The following RGS17 variants were observed in gnomAD, a reference collection of about 807,000 sequenced individuals.
RGS17 encodes regulator of G-protein signaling 17.
A neutral mutation model predicts 25.5 loss-of-function variants in RGS17; 12 were observed. The ratio of observed to expected loss-of-function variants is 0.47; its 90% CI spans 0.30 to 0.76. The LOEUF is 0.76. Among genes scored for constraint, RGS17 ranks in the 30% least tolerant of loss-of-function variants. The probability of loss-of-function intolerance (pLI) is 0.07; values close to 1 mark genes in which losing one functional copy is unlikely to be tolerated. For synonymous variants in RGS17, 71 were observed against 76.9 expected (o/e 0.92, Z 0.40); for missense variants, 196 against 242.2 (o/e 0.81, Z 1.27).
intron 1 of RGS17, among the ~76,000 whole-genome samples, chr6:153,078,085 G>A (rs1410721948): frequency 6.6e-6 from 1 of 152,122 alleles, no homozygotes; most frequent in Non-Finnish European, 1.5e-5. Flanking sequence ...TGTGGGCCAG[G>A]CTGGTCTCGA....
intron 1 of RGS17, among the ~76,000 whole-genome samples, chr6:153,054,650 CAAAT>C (rs55901939): frequency 0.16 from 22,395 of 141,636 alleles, 1,852 homozygotes; most frequent in Middle Eastern, 0.23. Flanking sequence ...GACTTCATCT[CAAAT>C]AAATAAATAA....
intron 1 of RGS17, among the ~76,000 whole-genome samples, chr6:153,115,931 A>G (rs1777537548): frequency 1.3e-5 from 2 of 152,234 alleles, no homozygotes; most frequent in South Asian, 2.1e-4. Flanking sequence ...CTAAAGATAG[A>G]TTAAAGACTT....
intron 4 of RGS17, among the ~76,000 whole-genome samples, chr6:153,016,216 G>C (rs1779182557): frequency 6.6e-6 from 1 of 152,158 alleles, no homozygotes; most frequent in Non-Finnish European, 1.5e-5. Context: ...AAAAAGCACA[G>C]AATATTTTTC....
intron 2 of RGS17, among the ~76,000 whole-genome samples, chr6:153,029,571 A>G (rs558571345): frequency 6.8e-6 from 1 of 146,968 alleles, no homozygotes; most frequent in South Asian, 2.1e-4. Flanking sequence ...TCCCATAGAG[A>G]CACTTTTTTT....
chr6:153,122,468 T>C (rs905842480), intron 1 of RGS17, among the ~76,000 whole-genome samples: 5 of 152,138 alleles, frequency 3.3e-5, no homozygotes, highest in African/African-American at 4.8e-5. Context: ...TTTAAAATGT[T>C]TCTTCATCAG....
chr6:153,057,895 T>A (rs1432444627), intron 1 of RGS17, among the ~76,000 whole-genome samples: 1 of 152,148 alleles, frequency 6.6e-6, no homozygotes, highest in African/African-American at 2.4e-5. Context: ...CACTGCTGAT[T>A]TGACGGGAGG....
At chr6:153,091,226 T>C (rs1224158978) in intron 1 of RGS17, among the ~76,000 whole-genome samples, 1 of 152,190 alleles carries the variant, frequency 6.6e-6, no homozygotes, top group Non-Finnish European at 1.5e-5. Flanking sequence ...TCACATGTTG[T>C]TGCTGCCTAG....
At chr6:153,015,708 C>T (rs964412324) in intron 4 of RGS17, among the ~76,000 whole-genome samples, 7 of 151,260 alleles carry the variant, frequency 4.6e-5, no homozygotes, top group Non-Finnish European at 8.8e-5. Flanking sequence ...GGCTGGAGTG[C>T]AGTGGCGCGA....
rs1435157452 is a variant in RGS17 at position 153,005,612 on chromosome 6, T to G, written c.*5962A>C. 1 of 152,196 alleles carries G rather than the reference T, an allele frequency of 6.6e-6. No homozygotes were observed. Among genetic ancestry groups the G allele is most frequent in the Non-Finnish European group, 1.5e-5 (1 of 68,050 alleles). 9.4% of individuals were successfully genotyped at this position (152,196 alleles called of 1,614,324 possible). On this transcript the variant is annotated 3_prime_UTR_variant, in exon 5 of 5. Coordinates refer to ENST00000206262, the MANE Select transcript of RGS17 (RefSeq NM_012419.5). ...TACCTTTGATACCATGTGATGAGCATGGCACTTTACCGTTGTGTTCTTTCA... is the reference window on the plus strand; with the variant it reads ...TACCTTTGATACCATGTGATGAGCAGGGCACTTTACCGTTGTGTTCTTTCA...
intron 1 of RGS17, among the ~76,000 whole-genome samples, chr6:153,070,484 C>A (rs1349738920): frequency 6.6e-6 from 1 of 151,636 alleles, no homozygotes; most frequent in East Asian, 2.0e-4. Flanking sequence ...GGTTCCACAT[C>A]TGTGATTAAA....
At chr6:153,017,805 A>C (rs973796627) in intron 4 of RGS17, among the ~76,000 whole-genome samples, 2 of 152,196 alleles carry the variant, frequency 1.3e-5, no homozygotes, top group African/African-American at 4.8e-5. Flanking sequence ...ATTCCTTTCC[A>C]AGTAAAATTC....
intron 1 of RGS17, among the ~76,000 whole-genome samples, chr6:153,082,183 TAA>T (rs1354788967): frequency 6.6e-6 from 1 of 152,226 alleles, no homozygotes; most frequent in Admixed American, 6.5e-5. Flanking sequence ...TGGCTTTTAC[TAA>T]TAGTGTATAT....
At chr6:153,067,094 A>G (rs1776721037) in intron 1 of RGS17, among the ~76,000 whole-genome samples, 1 of 152,084 alleles carries the variant, frequency 6.6e-6, no homozygotes, top group Non-Finnish European at 1.5e-5. Context: ...AAATCATCTG[A>G]TATTATAAAA....
At chr6:153,087,785 T>C (rs654845) in intron 1 of RGS17, among the ~76,000 whole-genome samples, 85,478 of 151,958 alleles carry the variant, frequency 0.56, 24,234 homozygotes, top group South Asian at 0.63. Flanking sequence ...CAAGAAGCCT[T>C]CTCCATCCCT....
chr6:153,105,059 G>C (rs1195399523), intron 1 of RGS17, among the ~76,000 whole-genome samples: 1 of 152,174 alleles, frequency 6.6e-6, no homozygotes, highest in East Asian at 1.9e-4. Flanking sequence ...CAGTACCAAA[G>C]GCATGGGGGT....
At chr6:153,124,972 A>T (rs1777684489) in intron 1 of RGS17, among the ~76,000 whole-genome samples, 2 of 152,210 alleles carry the variant, frequency 1.3e-5, no homozygotes, top group South Asian at 4.1e-4. Context: ...CACCTTTCAT[A>T]GAGACTGGAA....
At chr6:153,020,706 A>C (rs12209209) in intron 4 of RGS17, among the ~76,000 whole-genome samples, 1 of 152,148 alleles carries the variant, frequency 6.6e-6, no homozygotes, top group African/African-American at 2.4e-5. Flanking sequence ...CAGTAAAATC[A>C]TGACAATTTT....
Position 153,130,856 on chromosome 6 carries a change from G to A in RGS17, c.-26+268C>T, listed in dbSNP as rs1459134667. On this transcript the variant is annotated intron_variant, in intron 1 of 4. Coordinates refer to ENST00000206262, the MANE Select transcript of RGS17 (RefSeq NM_012419.5). This position sits in a 1 kb window ranked among gnomAD's most constrained non-coding sequence, Gnocchi z 6.4. Reference sequence around the variant, plus strand: ...TCGCCCGGTTCCCTGCAGCAGCTGAGGGCGGCGAGCGGACCGCGTCCAGGC... The same window carrying A: ...TCGCCCGGTTCCCTGCAGCAGCTGAAGGCGGCGAGCGGACCGCGTCCAGGC... Among the ~76,000 whole-genome samples, 1 of 152,004 alleles carries A rather than the reference G, an allele frequency of 6.6e-6. No homozygotes were observed. The highest frequency in any genetic ancestry group is 2.4e-5 in the African/African-American group (1 of 41,426).
intron 2 of RGS17, among the ~76,000 whole-genome samples, chr6:153,033,497 C>T (rs1252675417): frequency 1.3e-5 from 2 of 152,102 alleles, no homozygotes; most frequent in Non-Finnish European, 2.9e-5. Context: ...GTGGGCAGAT[C>T]GCCTGAGCTC....
Sources: gnomAD v4.1 joint callset for allele counts (sites outside exome capture counted in the v4.1 genomes callset) on GRCh38, gnomAD v4.1.1 for gene constraint, Gnocchi (gnomAD v3.1) non-coding constraint, MANE v1.5 for transcripts, NCBI Gene and HGNC (gene_info 2026-07-23, HGNC 2026-07-21) for gene names.